HEATR1: variants seen among roughly 807,000 people sequenced by gnomAD.
HEATR1 encodes HEAT repeat containing 1, also known as HEAT repeat-containing protein 1.
Under a neutral mutation model 248.2 loss-of-function variants are expected in HEATR1, and 77 were observed. The ratio of observed to expected loss-of-function variants is 0.31; its 90% CI spans 0.26 to 0.37. The LOEUF is 0.37. HEATR1 is among the 10% of genes least tolerant of loss of function. The probability of loss-of-function intolerance (pLI) is 1.00; values close to 1 mark genes in which losing one functional copy is unlikely to be tolerated. For synonymous variants in HEATR1, 897 were observed against 923.1 expected (o/e 0.97, Z 0.51); for missense variants, 2,420 against 2,504.9 (o/e 0.97, Z 0.72).
rs1278961171 is a variant in HEATR1 at position 236,569,007 on chromosome 1, C to T, written c.4066G>A (p.Ala1356Thr). 8 of 1,597,230 alleles carry T rather than the reference C, an allele frequency of 5.0e-6. No individual in the cohort carries two copies. The highest frequency in any genetic ancestry group is 2.3e-5 in the South Asian group (2 of 87,670). Residue 1356 changes from alanine to threonine, a missense_variant, in exon 29 of 45, where the codon GCA becomes ACA. Transcript: ENST00000366582. ...TAAAGAGACCTTACCTGAATAAGTG[C>T]GGGAATAACCATTTTCACTGTCTTG... ...INKTVKMVIP[A>T]LIQSDSGDSI...
At chr1:236,577,964 C>T (rs879268438) in intron 20 of HEATR1, among the ~76,000 whole-genome samples, 13 of 152,144 alleles carry the variant, frequency 8.5e-5, no homozygotes, top group Non-Finnish European at 1.0e-4. Flanking sequence ...ACCTGTGCAT[C>T]GTACTCTACA....
In HEATR1 at chr1:236,550,806, A is replaced by G. The variant is rs1407490424; in HGVS notation, c.*96T>C. On this transcript the variant is annotated 3_prime_UTR_variant, in exon 45 of 45. Transcript: ENST00000366582. ...TGTAAGTAATCCAAGTAGGTGTATT[A>G]AGGCACCAAAAGTAACATGGCACCC... The G allele has an allele frequency of 3.4e-6, 3 of 880,804 alleles. No homozygotes were observed. Among genetic ancestry groups the G allele is most frequent in the Non-Finnish European group, 5.3e-6 (3 of 562,944 alleles). 54.6% of individuals were successfully genotyped at this position (880,804 alleles called of 1,614,324 possible). A position where few individuals can be genotyped will look rare whatever the true frequency, so the allele number is the denominator to read the frequency against.
Position 236,550,759 on chromosome 1 carries a change from T to C in HEATR1, c.*143A>G, listed in dbSNP as rs1251158627. On this transcript the variant is annotated 3_prime_UTR_variant, in exon 45 of 45. Coordinates refer to ENST00000366582, the MANE Select transcript of HEATR1 (RefSeq NM_018072.6). Reference sequence around the variant, plus strand: ...GGCAGCACAAGCCAGGTGGGGATTTTGTAAAGAAGTGATAAAACATTTGTA... The same window carrying C: ...GGCAGCACAAGCCAGGTGGGGATTTCGTAAAGAAGTGATAAAACATTTGTA... 3.2e-6 allele frequency: 2 copies of C among 619,018 alleles called. No individual in the cohort carries two copies. The highest frequency in any genetic ancestry group is 5.5e-6 in the Non-Finnish European group (2 of 363,562). The allele number at this position is 619,018 out of a possible 1,614,324, so 38.3% of individuals were successfully genotyped here.
At chr1:236,555,757 A>G (rs1286853604) in intron 39 of HEATR1, 48 bp downstream of exon 39, 2 of 1,612,744 alleles carry the variant, frequency 1.2e-6, no homozygotes, top group South Asian at 2.2e-5. Flanking sequence ...GGACTCTTCA[A>G]TAGGTGGATA....
At chr1:236,562,608 C>G (rs117421196) in intron 32 of HEATR1, among the ~76,000 whole-genome samples, 1 of 152,290 alleles carries the variant, frequency 6.6e-6, no homozygotes, top group East Asian at 1.9e-4. Flanking sequence ...TGCACCATAC[C>G]ACTGTCCTTG....
chr1:236,559,331 G>T (rs1324736826), intron 34 of HEATR1, among the ~76,000 whole-genome samples, 196 bp from the exon 35 acceptor site: 3 of 152,196 alleles, frequency 2.0e-5, no homozygotes, highest in Non-Finnish European at 4.4e-5. Flanking sequence ...ACAAAAGCCT[G>T]ATGTCAGGAG....
intron 4 of HEATR1, 32 bp from the exon 5 acceptor site, chr1:236,598,011 A>C (rs1447924027): frequency 7.7e-7 from 1 of 1,298,738 alleles, no homozygotes; most frequent in African/African-American, 1.5e-5. Context: ...AACTACTAGC[A>C]ACATTCATCA....
At chr1:236,596,298 G>A (rs1170558866) in intron 6 of HEATR1, among the ~76,000 whole-genome samples, 2 of 152,176 alleles carry the variant, frequency 1.3e-5, no homozygotes, top group Non-Finnish European at 2.9e-5. Flanking sequence ...GTCCTGACAG[G>A]AGCCAGTAAG....
intron 3 of HEATR1, among the ~76,000 whole-genome samples, chr1:236,601,240 C>T (rs546205081): frequency 6.0e-5 from 9 of 151,090 alleles, no homozygotes; most frequent in South Asian, 2.1e-4. Flanking sequence ...TTTATCCCCA[C>T]GTCTCCATTT....
At chr1:236,603,457 C>G (rs1664381229) in intron 2 of HEATR1, 81 bp from the exon 3 acceptor site, 1 of 1,105,600 alleles carries the variant, frequency 9.0e-7, no homozygotes. Flanking sequence ...GTTTTACTTA[C>G]CCCTAAGAAG....
chr1:236,557,162 C>G (rs780250569), intron 37 of HEATR1, 33 bp downstream of exon 37: 1 of 1,604,776 alleles, frequency 6.2e-7, no homozygotes. Flanking sequence ...CCCCAGCCAC[C>G]CTGCGTAGCA....
intron 42 of HEATR1, among the ~76,000 whole-genome samples, chr1:236,553,996 C>CT (rs753190013): frequency 8.7e-4 from 132 of 152,200 alleles, no homozygotes; most frequent in Non-Finnish European, 1.4e-3. Flanking sequence ...CAGCCATGCT[C>CT]TGACGCGTTC....
At chr1:236,587,538 T>C (rs772046179) in intron 13 of HEATR1, 48 bp from the exon 14 acceptor site, 14 of 821,952 alleles carry the variant, frequency 1.7e-5, no homozygotes, top group Non-Finnish European at 2.5e-5. Context: ...GCTTCAAACA[T>C]GTATGGCGCT....
Position 236,590,880 on chromosome 1 carries a change from C to T in HEATR1, c.1497G>A (p.Met499Ile), listed in dbSNP as rs764388654. 2.0e-6 allele frequency: 3 copies of T among 1,524,772 alleles called. No homozygotes were observed. The highest frequency in any genetic ancestry group is 2.7e-6 in the Non-Finnish European group (3 of 1,129,168). 94.5% of individuals were successfully genotyped at this position (1,524,772 alleles called of 1,614,324 possible). A position where few individuals can be genotyped will look rare whatever the true frequency, so the allele number is the denominator to read the frequency against. The change falls in exon 12 of 45, where the codon ATG (methionine) becomes ATA (isoleucine). Residue 499 changes from methionine (M) to isoleucine (I), a missense_variant. Physicochemically the swap from Met to Ile is conservative, Grantham distance 10. Transcript: ENST00000366582. ...TTTTCATGATCTTTTTCAAATGATT[C>T]ATGGCCAGAATTCTCACAGGAGCAA... ...HPLAPVRILAMNHLKKIMKTS... is the reference protein window; with the variant it reads ...HPLAPVRILAINHLKKIMKTS...
At chr1:236,583,551 A>G (rs570121334) in intron 17 of HEATR1, among the ~76,000 whole-genome samples, 20 of 146,544 alleles carry the variant, frequency 1.4e-4, no homozygotes, top group African/African-American at 4.8e-4. Flanking sequence ...CAGCGGCACA[A>G]TCTCAGCTCA....
chr1:236,593,900 A>G (rs2564738), intron 9 of HEATR1, 112 bp downstream of exon 9: 467,798 of 697,006 alleles, frequency 0.67, 160,407 homozygotes, highest in Non-Finnish European at 0.71. Context: ...AATGATACAG[A>G]CAAAACAAGA....
chr1:236,595,734 A>G (rs950435315), intron 7 of HEATR1, 61 bp from the exon 8 acceptor site: 12 of 1,529,636 alleles, frequency 7.8e-6, no homozygotes, highest in African/African-American at 5.6e-5. Flanking sequence ...GAGTAACAAT[A>G]TAAGAAAATA....
rs768114304 is a variant in HEATR1, at chr1:236,576,812, C to T, written c.2893G>A (p.Glu965Lys). The T allele has an allele frequency of 6.2e-7, 1 of 1,613,878 alleles. No homozygotes were observed. The highest frequency in any genetic ancestry group is 8.5e-7 in the Non-Finnish European group (1 of 1,179,910). Residue 965 changes from glutamate (E) to lysine (K), a missense_variant, in exon 21 of 45, where the codon GAG (glutamate) becomes AAG (lysine). Glu to Lys is a moderately conservative substitution (Grantham distance 56). Coordinates refer to ENST00000366582, the MANE Select transcript of HEATR1 (RefSeq NM_018072.6). ...IIDHLISKAE[E>K]ITSDAAYVIQ... The stretch of plus-strand genomic sequence containing the variant: ...ACATAGGCAGCATCTGAAGTGATCT[C>T]CTCTGCTTTAGAAATCAAATGATCT...
chr1:236,581,979 C>T (rs910463320), intron 19 of HEATR1, among the ~76,000 whole-genome samples: 8 of 151,762 alleles, frequency 5.3e-5, no homozygotes, highest in Admixed American at 3.9e-4. Flanking sequence ...TTCAACCTAC[C>T]GATTAGTATT....
Sources: allele counts gnomAD v4.1 joint callset (sites outside exome capture counted in the v4.1 genomes callset), GRCh38; gene constraint gnomAD v4.1.1; transcripts MANE v1.5; gene names NCBI Gene and HGNC (gene_info 2026-07-23, HGNC 2026-07-21).